Variants in DST observed in about 807,000 individuals in gnomAD.
DST encodes bullous pemphigoid antigen.
Under a neutral mutation model 875.2 loss-of-function variants are expected in DST, and 253 were observed. The ratio of observed to expected loss-of-function variants is 0.29; its 90% CI spans 0.26 to 0.32. The LOEUF (loss-of-function observed/expected upper bound fraction) is 0.32, where lower values mean the gene tolerates loss of function less well. Among genes scored for constraint, DST ranks in the 10% least tolerant of loss-of-function variants. The pLI is 1.00. For synonymous variants in DST, 3,124 were observed against 3,197.1 expected (o/e 0.98, Z 0.77); for missense variants, 8,287 against 9,111.6 (o/e 0.91, Z 3.68).
At chr6:56,734,035 CAG>C (rs1162866272) in intron 5 of DST, among the ~76,000 whole-genome samples, 12 of 152,338 alleles carry the variant, frequency 7.9e-5, no homozygotes, top group Non-Finnish European at 1.3e-4. Flanking sequence ...CCAAACTTTA[CAG>C]AGTGTCCTAG....
At chr6:56,482,899 AAATTAATTTT>A in intron 88 of DST, 22 bp from the exon 89 acceptor site, 1 of 1,464,134 alleles carries the variant, frequency 6.8e-7, no homozygotes, top group Non-Finnish European at 9.1e-7. Context: ...ATATTTTGAA[AAATTAATTTT>A]AATTACAAAA....
At chr6:56,615,818 T>G in intron 36 of DST, 1 of 1,614,134 alleles carries the variant, frequency 6.2e-7, no homozygotes, top group Non-Finnish European at 8.5e-7. Flanking sequence ...GATTCCCATT[T>G]CCTTATTTAT....
chr6:56,812,986 A>G (rs1203774702), intron 4 of DST, among the ~76,000 whole-genome samples: 1 of 151,934 alleles, frequency 6.6e-6, no homozygotes, highest in Non-Finnish European at 1.5e-5. Context: ...AACCAACCCA[A>G]ATGTCCAACA....
intron 3 of DST, among the ~76,000 whole-genome samples, chr6:56,858,688 C>T (rs532948653): frequency 4.8e-4 from 73 of 152,194 alleles, no homozygotes; most frequent in African/African-American, 1.7e-3. Flanking sequence ...ATTTCAGTTC[C>T]CAATAGGGAT....
chr6:56,593,012 G>A (rs56024486), intron 48 of DST, among the ~76,000 whole-genome samples: 2 of 151,926 alleles, frequency 1.3e-5, no homozygotes, highest in East Asian at 3.9e-4. Flanking sequence ...TTTGTGAAGA[G>A]GATAATCTGA....
chr6:56,674,199 G>A (rs1265641625), intron 9 of DST, among the ~76,000 whole-genome samples: 1 of 152,170 alleles, frequency 6.6e-6, no homozygotes, highest in Non-Finnish European at 1.5e-5. Context: ...GATAATCAGA[G>A]AGGGTTTCAA....
rs1554267212 is a variant in DST at position 56,934,560 on chromosome 6, T to TATATATATATATA, written c.216+19224_216+19225insTATATATATATAT. 1.2e-3 allele frequency among the ~76,000 whole-genome samples: 126 copies of TATATATATATATA among 106,472 alleles called. 2 individuals are homozygous for TATATATATATATA. The highest frequency in any genetic ancestry group is 4.2e-3 in the African/African-American group (120 of 28,382). The allele number at this position is 106,472 out of a possible 152,430, so 69.8% of individuals were successfully genotyped here. A position where few individuals can be genotyped will look rare whatever the true frequency, so the allele number is the denominator to read the frequency against. On this transcript the variant is annotated intron_variant, in intron 2 of 103. Transcript: ENST00000680361. ...TAAAATATACATATTATATATTATA[T>TATATATATATATA]TATATATATATATATATATATATAT...
intron 87 of DST, among the ~76,000 whole-genome samples, chr6:56,486,362 CAAA>C (rs61164880): frequency 2.9e-5 from 1 of 34,016 alleles, no homozygotes; most frequent in Non-Finnish European, 5.6e-5. Context: ...GACTCCGTCT[CAAA>C]AAAAAAAAAA....
At chr6:56,538,409 T>C (rs1488655027) in intron 61 of DST, among the ~76,000 whole-genome samples, 1 of 152,224 alleles carries the variant, frequency 6.6e-6, no homozygotes, top group African/African-American at 2.4e-5. Context: ...TCTGAGTCAT[T>C]ATCCTGAAGG....
intron 50 of DST, among the ~76,000 whole-genome samples, chr6:56,577,438 GT>G (rs2097889757): frequency 6.6e-6 from 1 of 152,072 alleles, no homozygotes; most frequent in African/African-American, 2.4e-5. Context: ...ATATTTTTGT[GT>G]TTTATAATTA....
intron 61 of DST, among the ~76,000 whole-genome samples, chr6:56,543,412 A>G (rs901076035): frequency 6.6e-6 from 1 of 152,190 alleles, no homozygotes; most frequent in African/African-American, 2.4e-5. Context: ...AGTAGTTACT[A>G]ATAACCATAC....
In DST at chr6:56,609,159, A is replaced by G. The variant is rs2098523350; in HGVS notation, c.5469T>C (p.Ser1823=). The change falls in exon 40 of 104, where the codon AGT becomes AGC. Residue 1823 remains serine (S), a synonymous_variant. Coordinates refer to ENST00000680361, the MANE Select transcript of DST (RefSeq NM_001374736.1). ...RKCFDLKDAK[S]HGLIDEQILC... ...GAATTTGTTCATCAATAAGGCCATG[A>G]CTTTTGGCATCTTTAAGGTCAAAGC... 1 of 1,613,858 alleles carries G rather than the reference A, an allele frequency of 6.2e-7. No homozygotes were observed. The highest frequency in any genetic ancestry group is 8.5e-7 in the Non-Finnish European group (1 of 1,179,796).
chr6:56,618,547 C>A, intron 36 of DST: 1 of 1,614,140 alleles, frequency 6.2e-7, no homozygotes, highest in Non-Finnish European at 8.5e-7. Flanking sequence ...CCTCAAGTTT[C>A]TGACATTTTT....
rs556269319 is a variant in DST at position 56,487,994 on chromosome 6, G to A, written c.20878-721C>T. Among the ~76,000 whole-genome samples the A allele has an allele frequency of 2.0e-5, 3 of 152,082 alleles. No individual in the cohort carries two copies. The South Asian group carries it at 6.2e-4, about 32-fold the overall frequency. On this transcript the variant is annotated intron_variant, in intron 86 of 103. Transcript: ENST00000680361. ...TTATAATTACCTAAGAAGTTTTTAC[G>A]GCCTTTAAAAGCTACATACTTTAAA...
intron 2 of DST, among the ~76,000 whole-genome samples, chr6:56,934,895 A>G (rs1001201359): frequency 6.6e-6 from 1 of 152,164 alleles, no homozygotes; most frequent in African/African-American, 2.4e-5. Context: ...ATTGATGTCC[A>G]CTAAAAGAGT....
At chr6:56,732,813 C>G (rs897891323) in intron 5 of DST, among the ~76,000 whole-genome samples, 1 of 152,182 alleles carries the variant, frequency 6.6e-6, no homozygotes. Flanking sequence ...CTGCTGGGAT[C>G]TGCAACCTAT....
chr6:56,757,286 C>G (rs1356959366), intron 4 of DST, among the ~76,000 whole-genome samples: 1 of 152,104 alleles, frequency 6.6e-6, no homozygotes, highest in Non-Finnish European at 1.5e-5. Context: ...CATCAGATGT[C>G]CCTACAAACC....
chr6:56,939,518 TAAA>T (rs762481257), intron 2 of DST, among the ~76,000 whole-genome samples: 1 of 152,096 alleles, frequency 6.6e-6, no homozygotes, highest in Non-Finnish European at 1.5e-5. Context: ...GGGGGATAGA[TAAA>T]TAAAGAGCTA....
intron 37 of DST, 54 bp from the exon 38 acceptor site, chr6:56,611,650 A>AT (rs199912913): frequency 6.8e-5 from 82 of 1,197,096 alleles, no homozygotes; most frequent in Admixed American, 1.1e-4. Flanking sequence ...AGTAAACAGT[A>AT]TTTTTTTTAA....
Sources: allele counts gnomAD v4.1 joint callset (sites outside exome capture counted in the v4.1 genomes callset), GRCh38; gene constraint gnomAD v4.1.1; transcripts MANE v1.5; gene names NCBI Gene and HGNC (gene_info 2026-07-23, HGNC 2026-07-21).